Variants in HAO1 observed in about 807,000 individuals in gnomAD.
HAO1 encodes 2-Hydroxyacid oxidase 1.
Under a neutral mutation model 39.7 loss-of-function variants are expected in HAO1, and 34 were observed. The observed-to-expected ratio is 0.86, with a 90% CI of 0.65 to 1.14. HAO1 has a LOEUF of 1.14. HAO1 is among the 50% of genes most tolerant of loss of function. HAO1 has a pLI of 0.00. For synonymous variants in HAO1, 172 were observed against 173.2 expected (o/e 0.99, Z 0.05); for missense variants, 479 against 464.5 (o/e 1.03, Z -0.29).
At chr20:7,931,420 G>A (rs1025144551) in intron 2 of HAO1, among the ~76,000 whole-genome samples, 4 of 152,118 alleles carry the variant, frequency 2.6e-5, no homozygotes, top group African/African-American at 9.7e-5. Flanking sequence ...CCAGATTCTG[G>A]AGACAGAATA....
intron 5 of HAO1, among the ~76,000 whole-genome samples, chr20:7,886,484 C>T (rs1362310846): frequency 6.6e-6 from 1 of 152,052 alleles, no homozygotes; most frequent in Non-Finnish European, 1.5e-5. Flanking sequence ...ATTTTATTGA[C>T]ATAAATTATT....
At chr20:7,885,359 C>T (rs2050145795) in intron 7 of HAO1, 162 bp downstream of exon 7, 1 of 621,094 alleles carries the variant, frequency 1.6e-6, no homozygotes, top group Non-Finnish European at 2.9e-6. Flanking sequence ...CTAGAGACTG[C>T]ACATGCAGAG....
At chr20:7,903,855 TAGC>T (rs1381855744) in intron 4 of HAO1, among the ~76,000 whole-genome samples, 7 of 124,920 alleles carry the variant, frequency 5.6e-5, no homozygotes, top group East Asian at 2.7e-4. Flanking sequence ...GAGATTGTGG[TAGC>T]GGTGGTGGTG....
intron 5 of HAO1, among the ~76,000 whole-genome samples, chr20:7,890,210 T>TTTTG (rs2050168034): frequency 3.9e-5 from 6 of 152,044 alleles, no homozygotes; most frequent in African/African-American, 1.5e-4. Flanking sequence ...GGTTTGTTTT[T>TTTTG]TTTTGTTTTG....
At chr20:7,895,898 AC>A (rs1236443322) in intron 4 of HAO1, among the ~76,000 whole-genome samples, 1 of 151,676 alleles carries the variant, frequency 6.6e-6, no homozygotes. Flanking sequence ...ATACAAAAAA[AC>A]AAAAACAAAA....
chr20:7,935,827 T>C (rs2050407494), intron 1 of HAO1, among the ~76,000 whole-genome samples: 1 of 152,184 alleles, frequency 6.6e-6, no homozygotes, highest in South Asian at 2.1e-4. Context: ...CTGATTAAAA[T>C]TGAAGAAAAT....
At chr20:7,903,578 G>A (rs1183625361) in intron 4 of HAO1, among the ~76,000 whole-genome samples, 1 of 150,734 alleles carries the variant, frequency 6.6e-6, no homozygotes, top group Non-Finnish European at 1.5e-5. Flanking sequence ...TGTTGATGGT[G>A]GTTGTGGTTA....
chr20:7,914,501 G>A, intron 2 of HAO1, 82 bp from the exon 3 acceptor site: 1 of 1,490,144 alleles, frequency 6.7e-7, no homozygotes, highest in South Asian at 1.3e-5. Flanking sequence ...GATGAGTAAA[G>A]ACATCTAGAA....
chr20:7,913,714 G>T (rs1369727669), intron 3 of HAO1, among the ~76,000 whole-genome samples: 2 of 152,210 alleles, frequency 1.3e-5, no homozygotes, highest in East Asian at 3.8e-4. Flanking sequence ...ATTGCTGAAA[G>T]AAGAAGTAGA....
intron 2 of HAO1, among the ~76,000 whole-genome samples, chr20:7,915,945 T>G (rs2050305033): frequency 6.6e-6 from 1 of 152,172 alleles, no homozygotes; most frequent in Non-Finnish European, 1.5e-5. Flanking sequence ...AAAATTGTAT[T>G]AAATATATAG....
At chr20:7,894,251 C>G (rs556437898) in intron 5 of HAO1, among the ~76,000 whole-genome samples, 1 of 152,250 alleles carries the variant, frequency 6.6e-6, no homozygotes, top group African/African-American at 2.4e-5. Context: ...TAAAATCTGC[C>G]CTAAGTGCCT....
intron 4 of HAO1, among the ~76,000 whole-genome samples, chr20:7,904,466 G>A (rs2050238264): frequency 6.6e-6 from 1 of 152,334 alleles, no homozygotes; most frequent in Admixed American, 6.5e-5. Context: ...AAATTGTTAT[G>A]CATAATTGCT....
chr20:7,883,544 T>C lies in HAO1; in HGVS notation c.*49A>G, dbSNP rs752069496. 2 of 1,346,730 alleles carry C rather than the reference T, an allele frequency of 1.5e-6. No individual in the cohort carries two copies. The highest frequency in any genetic ancestry group is 2.9e-5 in the African/African-American group (2 of 69,872). The allele number at this position is 1,346,730 out of a possible 1,614,324, so 83.4% of individuals were successfully genotyped here. A position where few individuals can be genotyped will look rare whatever the true frequency, so the allele number is the denominator to read the frequency against. ...CTCTGCACAGTGTCTCTTTGTCAAG[T>C]AATACATGCTGAAAAAAAATAATAC... is the stretch of plus-strand genomic sequence containing the variant. On this transcript the variant is annotated 3_prime_UTR_variant, in exon 8 of 8. Transcript: ENST00000378789.
intron 3 of HAO1, among the ~76,000 whole-genome samples, chr20:7,909,672 T>A (rs764138961): frequency 5.9e-5 from 9 of 151,768 alleles, no homozygotes; most frequent in Non-Finnish European, 8.8e-5. Context: ...AAGTTAAACA[T>A]TATTAAATAA....
At chr20:7,896,992 A>G (rs2122758463) in intron 4 of HAO1, among the ~76,000 whole-genome samples, 1 of 152,294 alleles carries the variant, frequency 6.6e-6, no homozygotes. Context: ...ATTTGTTTGT[A>G]GTAGATTCCT....
At chr20:7,904,933 T>C (rs767109766) in intron 4 of HAO1, among the ~76,000 whole-genome samples, 2 of 152,174 alleles carry the variant, frequency 1.3e-5, no homozygotes, top group African/African-American at 2.4e-5. Context: ...GAAACCATTA[T>C]TTAAAGGTGT....
chr20:7,925,448 C>T (rs2050354790), intron 2 of HAO1, among the ~76,000 whole-genome samples: 1 of 152,124 alleles, frequency 6.6e-6, no homozygotes, highest in African/African-American at 2.4e-5. Context: ...GACATCTTAG[C>T]TCTCCCTTCC....
chr20:7,939,425 A>G (rs1251081391), intron 1 of HAO1, among the ~76,000 whole-genome samples: 1 of 152,150 alleles, frequency 6.6e-6, no homozygotes, highest in African/African-American at 2.4e-5. Context: ...TAAAGAAGAA[A>G]TCAGGGAGGA....
At chr20:7,937,226 C>A (rs1352706968) in intron 1 of HAO1, among the ~76,000 whole-genome samples, 1 of 152,108 alleles carries the variant, frequency 6.6e-6, no homozygotes, top group East Asian at 1.9e-4. Context: ...TGAAGGAAGA[C>A]ACCCATGCCT....
Sources: allele counts gnomAD v4.1 joint callset (sites outside exome capture counted in the v4.1 genomes callset), GRCh38; gene constraint gnomAD v4.1.1; transcripts MANE v1.5; gene names NCBI Gene and HGNC (gene_info 2026-07-23, HGNC 2026-07-21).